RPSA2: variants seen among roughly 807,000 people sequenced by gnomAD.
The protein encoded by RPSA2 is small ribosomal subunit protein uS2B.
the RPSA2 span, among the ~76,000 whole-genome samples, chr19:23,769,977 C>T: frequency 1.6e-4 from 24 of 152,284 alleles, no homozygotes; most frequent in East Asian, 4.4e-3. Context: ...AGTATTATTA[C>T]ATATCACTGG....
the RPSA2 span, among the ~76,000 whole-genome samples, chr19:23,835,316 A>ACCTTT: frequency 6.6e-6 from 1 of 152,076 alleles, no homozygotes; most frequent in South Asian, 2.1e-4. Context: ...TCTAAAGATA[A>ACCTTT]ACTTTAGGTC....
the RPSA2 span, among the ~76,000 whole-genome samples, chr19:23,763,938 T>C: frequency 6.6e-6 from 1 of 152,140 alleles, no homozygotes; most frequent in African/African-American, 2.4e-5. Context: ...ATGCAAGAAT[T>C]GGTTAGTTAT....
the RPSA2 span, among the ~76,000 whole-genome samples, chr19:23,854,846 G>A: frequency 6.6e-6 from 1 of 152,152 alleles, no homozygotes; most frequent in Non-Finnish European, 1.5e-5. Flanking sequence ...GCCTTCACAA[G>A]CTTTAATATA....
chr19:23,768,920 T>C, the RPSA2 span, among the ~76,000 whole-genome samples: 1 of 152,022 alleles, frequency 6.6e-6, no homozygotes, highest in Admixed American at 6.6e-5. Flanking sequence ...TCTTCTCTCT[T>C]ACCTGAACGT....
the RPSA2 span, chr19:23,832,121 C>T: frequency 2.3e-6 from 1 of 429,940 alleles, no homozygotes; most frequent in Non-Finnish European, 4.7e-6. Context: ...ATAATTTGTG[C>T]TGAAGAAAAA....
the RPSA2 span, among the ~76,000 whole-genome samples, chr19:23,844,197 A>T: frequency 1.3e-5 from 2 of 152,154 alleles, no homozygotes; most frequent in African/African-American, 4.8e-5. Context: ...TATATAATTC[A>T]TTGGCAAAAT....
the RPSA2 span, among the ~76,000 whole-genome samples, chr19:23,787,292 C>G: frequency 1.3e-5 from 2 of 152,044 alleles, no homozygotes; most frequent in Non-Finnish European, 2.9e-5. Context: ...TGGGCCTTGC[C>G]TATAGGCGGC....
the RPSA2 span, among the ~76,000 whole-genome samples, chr19:23,863,458 G>A: frequency 4.6e-5 from 7 of 151,886 alleles, no homozygotes; most frequent in Admixed American, 3.3e-4. Context: ...CAGCTAGTGG[G>A]GAGGCTGAGG....
At chr19:23,864,749 G>A in the RPSA2 span, among the ~76,000 whole-genome samples, 1 of 152,074 alleles carries the variant, frequency 6.6e-6, no homozygotes, top group South Asian at 2.1e-4. Context: ...ATATGCTTAG[G>A]TCACAGTGAG....
the RPSA2 span, among the ~76,000 whole-genome samples, chr19:23,804,884 A>G: frequency 0.98 from 148,873 of 152,196 alleles, 72,905 homozygotes; most frequent in Middle Eastern, 1. Context: ...GGGTGAAAGC[A>G]TCTATTTGTT....
At chr19:23,857,368 C>T in the RPSA2 span, among the ~76,000 whole-genome samples, 407 of 151,934 alleles carry the variant, frequency 2.7e-3, 2 homozygotes, top group Middle Eastern at 0.01. Flanking sequence ...TCCATGAAAT[C>T]TTCACAATTT....
At chr19:23,853,539 T>C in the RPSA2 span, among the ~76,000 whole-genome samples, 1 of 152,364 alleles carries the variant, frequency 6.6e-6, no homozygotes, top group South Asian at 2.1e-4. Flanking sequence ...AGGCATGGCA[T>C]TGGCTGCCAT....
At chr19:23,764,581 G>T in the RPSA2 span, among the ~76,000 whole-genome samples, 1 of 152,270 alleles carries the variant, frequency 6.6e-6, no homozygotes. Flanking sequence ...CCAGGTTCAA[G>T]TGATTCTCCT....
chr19:23,770,045 G>GT, the RPSA2 span, among the ~76,000 whole-genome samples: 1 of 152,210 alleles, frequency 6.6e-6, no homozygotes, highest in South Asian at 2.1e-4. Flanking sequence ...GAACTGGGGT[G>GT]TTTGTTACAT....
the RPSA2 span, among the ~76,000 whole-genome samples, chr19:23,845,738 T>A: frequency 6.6e-6 from 1 of 152,224 alleles, no homozygotes; most frequent in African/African-American, 2.4e-5. Context: ...GCGATCCACC[T>A]GCCTCAGCCT....
chr19:23,790,034 C>T, the RPSA2 span, among the ~76,000 whole-genome samples: 1 of 151,958 alleles, frequency 6.6e-6, no homozygotes, highest in Non-Finnish European at 1.5e-5. Context: ...AAGTATTGCT[C>T]TGTTGCCCAG....
At chr19:23,812,682 A>G in the RPSA2 span, among the ~76,000 whole-genome samples, 13 of 152,270 alleles carry the variant, frequency 8.5e-5, no homozygotes, top group Non-Finnish European at 1.2e-4. Flanking sequence ...TGCAGGCATT[A>G]GCCACTGGGC....
At chr19:23,804,631 C>A in the RPSA2 span, among the ~76,000 whole-genome samples, 27 of 152,166 alleles carry the variant, frequency 1.8e-4, no homozygotes, top group East Asian at 5.0e-3. Flanking sequence ...AATAATGAGC[C>A]CAGAGAGAGC....
the RPSA2 span, chr19:23,832,322 GC>G: frequency 1.9e-4 from 88 of 472,174 alleles, no homozygotes; most frequent in Non-Finnish European, 3.3e-4. Flanking sequence ...GAAGAAAGTG[GC>G]AAAGCATTTA....
Sources: allele counts gnomAD v4.1 joint callset (sites outside exome capture counted in the v4.1 genomes callset), GRCh38; gene constraint gnomAD v4.1.1; transcripts MANE v1.5; gene names NCBI Gene and HGNC (gene_info 2026-07-23, HGNC 2026-07-21).